Variants in ZSCAN30 observed in about 807,000 individuals in gnomAD.
The protein encoded by ZSCAN30 is zinc finger and SCAN domain-containing protein 30.
In ZSCAN30, 37 loss-of-function variants were observed where a neutral mutation model predicts 44.3. The ratio of observed to expected loss-of-function variants is 0.84; its 90% CI spans 0.64 to 1.10. The LOEUF is 1.10. Ranked by LOEUF, ZSCAN30 falls within the 50% of genes least tolerant of loss-of-function variation. The pLI, the probability that ZSCAN30 is intolerant of heterozygous loss-of-function variation, is 0.00. For missense variants in ZSCAN30, 549 were observed against 582.6 expected, an observed-to-expected ratio of 0.94 and a Z score of 0.59; for synonymous variants, 181 against 204.6, an observed-to-expected ratio of 0.88 and a Z score of 0.98.
At chr18:35,285,905 A>G (rs545262960) in intron 1 of ZSCAN30, among the ~76,000 whole-genome samples, 1 of 152,266 alleles carries the variant, frequency 6.6e-6, no homozygotes, top group African/African-American at 2.4e-5. Context: ...TTTTTAAATA[A>G]ATGAAAAGCT....
intron 1 of ZSCAN30, among the ~76,000 whole-genome samples, chr18:35,275,678 C>A (rs2044355977): frequency 6.6e-6 from 1 of 152,202 alleles, no homozygotes; most frequent in South Asian, 2.1e-4. Context: ...CTCCTGGATT[C>A]TTCCTGCTAT....
At chr18:35,256,948 A>AT (rs543304979) in intron 3 of ZSCAN30, 1 of 152,952 alleles carries the variant, frequency 6.5e-6, no homozygotes. Flanking sequence ...TAATTAAAAA[A>AT]TTTTTTTTGT....
At chr18:35,257,806 C>G in intron 3 of ZSCAN30, 1 of 765,536 alleles carries the variant, frequency 1.3e-6, no homozygotes, top group Admixed American at 1.7e-5. Context: ...CTCTGCAGTG[C>G]AATTATGCTT....
At chr18:35,279,870 A>G (rs1329292047) in intron 1 of ZSCAN30, among the ~76,000 whole-genome samples, 1 of 152,200 alleles carries the variant, frequency 6.6e-6, no homozygotes, top group Non-Finnish European at 1.5e-5. Context: ...CACAGACCCT[A>G]TTTTCAAGTA....
intron 1 of ZSCAN30, chr18:35,267,627 CG>C (rs1438587554): frequency 6.6e-6 from 1 of 152,086 alleles, no homozygotes. Flanking sequence ...AGGAGGGGCG[CG>C]GGTCCGGCTC....
At chr18:35,263,893 C>T in intron 2 of ZSCAN30, 52 bp downstream of exon 2, 1 of 1,563,590 alleles carries the variant, frequency 6.4e-7, no homozygotes. Flanking sequence ...ATAATTATGG[C>T]TTCCCCATTA....
chr18:35,281,497 A>G (rs2044454659), intron 1 of ZSCAN30: 1 of 152,342 alleles, frequency 6.6e-6, no homozygotes, highest in East Asian at 1.9e-4. Flanking sequence ...CTACATTCAT[A>G]TCATCACTTT....
intron 3 of ZSCAN30, among the ~76,000 whole-genome samples, chr18:35,257,749 A>G (rs938763005): frequency 6.6e-6 from 1 of 152,194 alleles, no homozygotes; most frequent in Non-Finnish European, 1.5e-5. Flanking sequence ...TGGCCCAGGA[A>G]GTAACTTCCA....
chr18:35,266,310 T>C (rs1421865506), intron 1 of ZSCAN30, among the ~76,000 whole-genome samples: 1 of 152,150 alleles, frequency 6.6e-6, no homozygotes, highest in Non-Finnish European at 1.5e-5. Context: ...AAGGTCTGTG[T>C]GCCCACCCAG....
Position 35,279,939 on chromosome 18 carries a change from A to G in ZSCAN30, c.-104+10145T>C, listed in dbSNP as rs74445487. ...TGAACCTATCTTTTGGGGGGATACA[A>G]TTCAATCCACAACAATGTGATTAAC... is the stretch of plus-strand genomic sequence containing the variant. On this transcript the variant is annotated intron_variant, in intron 1 of 3. Transcript: ENST00000333206. 2.8e-3 allele frequency among the ~76,000 whole-genome samples: 431 copies of G among 152,296 alleles called. 3 individuals are homozygous for G. The highest frequency in any genetic ancestry group is 0.01 in the African/African-American group (419 of 41,550).
intron 3 of ZSCAN30, chr18:35,260,604 AATGAT>A (rs1293117591): frequency 6.6e-6 from 1 of 152,128 alleles, no homozygotes; most frequent in Non-Finnish European, 1.5e-5. Flanking sequence ...GCATTTCTCT[AATGAT>A]CAGTGATGTT....
Position 35,253,772 on chromosome 18 carries a change from CCA to C in ZSCAN30, c.1161_1162del (p.Cys387TrpfsTer17). 1 of 1,613,946 alleles carries C rather than the reference CCA, an allele frequency of 6.2e-7. No individual in the cohort carries two copies. The highest frequency in any genetic ancestry group is 1.3e-5 in the African/African-American group (1 of 74,968). On this transcript the variant is annotated frameshift_variant, in exon 4 of 4. Transcript: ENST00000333206. LOFTEE classifies it high-confidence loss of function. The stretch of plus-strand genomic sequence containing the variant: ...CCGGCTGAAGGCCTTCCCACATTCT[CCA>C]CATTCATAAGGCTTCTCTCCAGTGT...
Position 35,264,475 on chromosome 18 carries a change from A to C in ZSCAN30, c.-103-20T>G. The C allele has an allele frequency of 2.0e-6, 2 of 977,554 alleles. No individual in the cohort carries two copies. Among genetic ancestry groups the C allele is most frequent in the Non-Finnish European group, 3.0e-6 (2 of 675,606 alleles). The allele number at this position is 977,554 out of a possible 1,614,324, so 60.6% of individuals were successfully genotyped here. A position where few individuals can be genotyped will look rare whatever the true frequency, so the allele number is the denominator to read the frequency against. On this transcript the variant is annotated intron_variant, in intron 1 of 3. Transcript: ENST00000333206. Reference sequence around the variant, plus strand: ...ACGCTCCTGAGGGTGGACAATGCTCATGTTACACAGGGAAAATAATGTACT... The same window carrying C: ...ACGCTCCTGAGGGTGGACAATGCTCCTGTTACACAGGGAAAATAATGTACT...
chr18:35,280,186 G>A (rs1233385057), intron 1 of ZSCAN30, among the ~76,000 whole-genome samples: 1 of 151,628 alleles, frequency 6.6e-6, no homozygotes, highest in Non-Finnish European at 1.5e-5. Context: ...TGAGGTGGGA[G>A]GATCACTTAA....
rs984503246 is a variant in ZSCAN30 at position 35,253,019 on chromosome 18, A to G, written c.*431T>C. 6.3e-6 allele frequency: 1 copy of G among 157,874 alleles called. No individual in the cohort carries two copies. The highest frequency in any genetic ancestry group is 2.4e-5 in the African/African-American group (1 of 41,616). The allele number at this position is 157,874 out of a possible 1,614,324, so 9.8% of individuals were successfully genotyped here. On this transcript the variant is annotated 3_prime_UTR_variant, in exon 4 of 4. Transcript: ENST00000333206. ...CAAATTCAACATTTCAGATAGTTGA[A>G]TAACTCTCAGCACATGCCTCCACCT...
chr18:35,278,923 A>C (rs1487135518), intron 1 of ZSCAN30, among the ~76,000 whole-genome samples: 1 of 152,174 alleles, frequency 6.6e-6, no homozygotes, highest in Middle Eastern at 3.2e-3. Flanking sequence ...AAGTATCTTT[A>C]ATGTTCATTA....
chr18:35,269,012 G>A lies in ZSCAN30; in HGVS notation c.-103-4557C>T, dbSNP rs184595427. ...TTTGTTCCTGAATAGGAGGAAAGTGGAGGGTGAGTGCAAGAGAAAAGGGAG... is the reference window on the plus strand; with the variant it reads ...TTTGTTCCTGAATAGGAGGAAAGTGAAGGGTGAGTGCAAGAGAAAAGGGAG... On this transcript the variant is annotated intron_variant, in intron 1 of 3. Coordinates refer to ENST00000333206, the MANE Select transcript of ZSCAN30 (RefSeq NM_001112734.4). 1.1e-4 allele frequency: 16 copies of A among 152,378 alleles called. No homozygotes were observed. The East Asian group carries it at 2.7e-3, about 26-fold the overall frequency. 9.4% of individuals were successfully genotyped at this position (152,378 alleles called of 1,614,324 possible).
chr18:35,261,898 C>T (rs1020571018), intron 3 of ZSCAN30: 2 of 152,056 alleles, frequency 1.3e-5, no homozygotes, highest in Non-Finnish European at 2.9e-5. Context: ...GTAGCACCTG[C>T]TTGGTGCAGA....
intron 1 of ZSCAN30, among the ~76,000 whole-genome samples, chr18:35,271,026 C>T (rs1322216170): frequency 6.6e-6 from 1 of 152,160 alleles, no homozygotes; most frequent in Non-Finnish European, 1.5e-5. Context: ...GGTTTGTGGT[C>T]TTGCTAGCCT....
Sources: allele counts gnomAD v4.1 joint callset (sites outside exome capture counted in the v4.1 genomes callset), GRCh38; gene constraint gnomAD v4.1.1; transcripts MANE v1.5; gene names NCBI Gene and HGNC (gene_info 2026-07-23, HGNC 2026-07-21).